Variants in PTPRD observed in about 807,000 individuals in gnomAD.
The protein encoded by PTPRD is receptor-type tyrosine-protein phosphatase delta.
A neutral mutation model predicts 214.5 loss-of-function variants in PTPRD; 34 were observed. That is an observed-to-expected ratio of 0.16 (90% CI 0.12 to 0.21). The LOEUF (loss-of-function observed/expected upper bound fraction) is 0.21. Among genes scored for constraint, PTPRD ranks in the 10% least tolerant of loss-of-function variants. The probability of loss-of-function intolerance (pLI) is 1.00; values close to 1 mark genes in which losing one functional copy is unlikely to be tolerated. For synonymous variants in PTPRD, 1,128 were observed against 845.7 expected, an observed-to-expected ratio of 1.33 and a Z score of -5.79; for missense variants, 2,545 against 2,398.7, an observed-to-expected ratio of 1.06 and a Z score of -1.27.
chr9:10,048,773 C>T (rs1181889300), intron 3 of PTPRD, among the ~76,000 whole-genome samples: 4 of 151,972 alleles, frequency 2.6e-5, no homozygotes, highest in African/African-American at 9.7e-5. Context: ...CCACCCTTCC[C>T]CAAAACAAAT....
intron 9 of PTPRD, among the ~76,000 whole-genome samples, chr9:9,201,363 A>G (rs1205842114): frequency 6.6e-6 from 1 of 152,208 alleles, no homozygotes; most frequent in Non-Finnish European, 1.5e-5. Flanking sequence ...AAACTGTGGA[A>G]TGCTTATTTG....
Position 9,541,245 on chromosome 9 carries a change from G to A in PTPRD, c.-237+33487C>T, listed in dbSNP as rs1228060206. Among the ~76,000 whole-genome samples, 3 of 151,384 alleles carry A rather than the reference G, an allele frequency of 2.0e-5. No homozygotes were observed. In the East Asian group the frequency reaches 5.8e-4, roughly 29 times the overall value. On this transcript the variant is annotated intron_variant, in intron 8 of 45. Transcript: ENST00000381196. ...GCCTTGAAAAGCACTTTTAAATTAG[G>A]GCTTATCTTTTTGGAACACTCCCTA...
chr9:9,217,704 G>C (rs554284691), intron 9 of PTPRD, among the ~76,000 whole-genome samples: 1 of 152,016 alleles, frequency 6.6e-6, no homozygotes, highest in African/African-American at 2.4e-5. Context: ...TCAAAACTTA[G>C]CCCCAGGCAG....
At chr9:9,584,549 T>A (rs1183669176) in intron 7 of PTPRD, among the ~76,000 whole-genome samples, 1 of 151,910 alleles carries the variant, frequency 6.6e-6, no homozygotes, top group Non-Finnish European at 1.5e-5. Flanking sequence ...ACATGACTTG[T>A]TCACATATTA....
chr9:9,477,542 T>C (rs2095149141), intron 8 of PTPRD, among the ~76,000 whole-genome samples: 1 of 152,230 alleles, frequency 6.6e-6, no homozygotes, highest in South Asian at 2.1e-4. Flanking sequence ...TTTATTTTAC[T>C]ATCCATATCA....
intron 11 of PTPRD, among the ~76,000 whole-genome samples, chr9:8,858,548 C>T (rs1235662724): frequency 2.0e-5 from 3 of 152,266 alleles, no homozygotes; most frequent in Admixed American, 6.5e-5. Context: ...TCTTTGTTTC[C>T]TTGTGTGGGT....
intron 8 of PTPRD, among the ~76,000 whole-genome samples, chr9:9,416,552 T>C (rs982172747): frequency 6.6e-6 from 1 of 152,248 alleles, no homozygotes; most frequent in East Asian, 1.9e-4. Flanking sequence ...TTTAAGGCTC[T>C]AACTTAGTTG....
chr9:9,255,881 C>A (rs1365960420), intron 9 of PTPRD, among the ~76,000 whole-genome samples: 1 of 151,978 alleles, frequency 6.6e-6, no homozygotes, highest in African/African-American at 2.4e-5. Flanking sequence ...CTTCAGGATT[C>A]AGAGAGAATG....
intron 7 of PTPRD, among the ~76,000 whole-genome samples, chr9:9,629,456 T>C (rs2095523297): frequency 6.6e-6 from 1 of 152,128 alleles, no homozygotes; most frequent in East Asian, 1.9e-4. Context: ...TTTGAATCTT[T>C]ATTACTGCAT....
chr9:9,381,330 TTC>T (rs1169750290), intron 9 of PTPRD, among the ~76,000 whole-genome samples: 1 of 152,020 alleles, frequency 6.6e-6, no homozygotes, highest in Admixed American at 6.6e-5. Context: ...CGATTCAATT[TTC>T]TCTCTTTTCT....
At chr9:8,655,685 T>C (rs1041049070) in intron 12 of PTPRD, among the ~76,000 whole-genome samples, 1 of 151,904 alleles carries the variant, frequency 6.6e-6, no homozygotes, top group African/African-American at 2.4e-5. Context: ...TTTTTCACAA[T>C]CTTTCTATTT....
chr9:9,330,251 C>G (rs1222936611), intron 9 of PTPRD, among the ~76,000 whole-genome samples: 3 of 152,016 alleles, frequency 2.0e-5, no homozygotes, highest in Non-Finnish European at 4.4e-5. Context: ...TTTCCCACAC[C>G]ACTGGCTTAA....
chr9:10,395,958 A>G (rs1169990557), intron 2 of PTPRD, among the ~76,000 whole-genome samples: 1 of 150,364 alleles, frequency 6.7e-6, no homozygotes, highest in Non-Finnish European at 1.5e-5. Flanking sequence ...AGAGAATGAG[A>G]GAGAGAGAGA....
At chr9:8,329,244 C>G (rs10976957) in intron 44 of PTPRD, among the ~76,000 whole-genome samples, 8,084 of 152,076 alleles carry the variant, frequency 0.053, 258 homozygotes, top group South Asian at 0.16. Flanking sequence ...TTCTGTCTGT[C>G]TGTTTGTTAT....
intron 3 of PTPRD, among the ~76,000 whole-genome samples, chr9:10,100,216 A>C (rs1415279315): frequency 2.0e-5 from 3 of 151,744 alleles, no homozygotes; most frequent in African/African-American, 7.2e-5. Flanking sequence ...TAACAGCAAC[A>C]AACTGAGAAT....
At chr9:9,540,474 A>G (rs2077356222) in intron 8 of PTPRD, among the ~76,000 whole-genome samples, 1 of 151,772 alleles carries the variant, frequency 6.6e-6, no homozygotes, top group Admixed American at 6.6e-5. Flanking sequence ...TGGAGAAAGC[A>G]CTGAGTGAAA....
chr9:8,715,894 C>T (rs762489443), intron 12 of PTPRD, among the ~76,000 whole-genome samples: 3 of 152,216 alleles, frequency 2.0e-5, no homozygotes, highest in Non-Finnish European at 4.4e-5. Context: ...AGAAATAGTA[C>T]ACAGACATTA....
At chr9:9,616,551 A>G (rs1258913806) in intron 7 of PTPRD, among the ~76,000 whole-genome samples, 1 of 152,216 alleles carries the variant, frequency 6.6e-6, no homozygotes, top group Non-Finnish European at 1.5e-5. Context: ...AATTCCTAGT[A>G]GACCTAGTTT....
intron 12 of PTPRD, among the ~76,000 whole-genome samples, chr9:8,726,700 C>T (rs1277670144): frequency 7.8e-6 from 1 of 128,926 alleles, no homozygotes; most frequent in African/African-American, 2.9e-5. Flanking sequence ...ACTTGGGAGG[C>T]TAAGGCAGGA....
Sources: allele counts gnomAD v4.1 joint callset (sites outside exome capture counted in the v4.1 genomes callset), GRCh38; gene constraint gnomAD v4.1.1; transcripts MANE v1.5; gene names NCBI Gene and HGNC (gene_info 2026-07-23, HGNC 2026-07-21).